Variants in ERFL observed in about 807,000 individuals in gnomAD.
ERFL encodes ETS domain-containing transcription factor ERF-like.
ERFL carries 8 observed loss-of-function variants against 27.9 expected under a neutral mutation model. The ratio of observed to expected loss-of-function variants is 0.29; its 90% confidence interval spans 0.17 to 0.52. ERFL has a LOEUF of 0.52. Among genes scored for constraint, ERFL ranks in the 20% least tolerant of loss-of-function variants. ERFL has a pLI of 0.97. For missense variants in ERFL, 294 were observed against 444.4 expected, an observed-to-expected ratio of 0.66 and a Z score of 3.04; for synonymous variants, 174 against 202.8, an observed-to-expected ratio of 0.86 and a Z score of 1.21.
At position 41,917,438 on chromosome 19, in the gene ERFL, C is replaced by G. The variant is rs1342673298; in HGVS notation, c.-13-4506G>C. On this transcript the variant is annotated intron_variant, in intron 1 of 5. Transcript: ENST00000597630. The surrounding 1 kb of genome is among the most constrained non-coding windows in gnomAD (Gnocchi z 4.8). The stretch of plus-strand genomic sequence containing the variant: ...CCGCCTCGGGAGCCGCCTCGGGCCT[C>G]GCACCCCCACCACCAGCCCCTTCAT... 2.0e-5 allele frequency among the ~76,000 whole-genome samples: 3 copies of G among 151,990 alleles called. No homozygotes were observed. The highest frequency in any genetic ancestry group is 4.4e-5 in the Non-Finnish European group (3 of 67,948).
Position 41,916,457 on chromosome 19 carries a change from A to G in ERFL, c.-13-3525T>C, listed in dbSNP as rs1188632498. ...TCAGCATAGTCACAGATGCACAGAAACAGACACACAGTTTTACACAAATAC... is the reference window on the plus strand; with the variant it reads ...TCAGCATAGTCACAGATGCACAGAAGCAGACACACAGTTTTACACAAATAC... On this transcript the variant is annotated intron_variant, in intron 1 of 5. Transcript: ENST00000597630. The surrounding 1 kb of genome is among the most constrained non-coding windows in gnomAD (Gnocchi z 5.4). Among the ~76,000 whole-genome samples the G allele has an allele frequency of 6.6e-6, 1 of 152,118 alleles. No homozygotes were observed. Among genetic ancestry groups the G allele is most frequent in the East Asian group, 1.9e-4 (1 of 5,186 alleles).
rs1555850891 is a variant in ERFL, at chr19:41,908,338, A to T, written c.955T>A (p.Ser319Thr). The T allele has an allele frequency of 8.1e-7, 1 of 1,231,300 alleles. No individual in the cohort carries two copies. Among genetic ancestry groups the T allele is most frequent in the African/African-American group, 1.6e-5 (1 of 64,348 alleles). The allele number at this position is 1,231,300 out of a possible 1,614,324, so 76.3% of individuals were successfully genotyped here. ...AALGGKEDSD[S>T]ELEITDVSGC... ...CTGACGTCGGTGATCTCCAGCTCCG[A>T]GTCGCTGTCCTCCTTCCCACCAAGG... Residue 319 changes from serine to threonine, a missense_variant, in exon 6 of 6, where the codon TCG becomes ACG. Coordinates refer to ENST00000597630, the MANE Select transcript of ERFL (RefSeq NM_001365103.2). This position sits in a 1 kb window ranked among gnomAD's most constrained non-coding sequence, Gnocchi z 6.7.
At chr19:41,919,500 C>T (rs528177675) in intron 1 of ERFL, among the ~76,000 whole-genome samples, 62 of 143,806 alleles carry the variant, frequency 4.3e-4, no homozygotes, top group African/African-American at 1.5e-3. Context: ...CCCACGTGTG[C>T]ACGTGCACGC....
chr19:41,926,994 T>G (rs1374653272), intron 1 of ERFL, among the ~76,000 whole-genome samples: 1 of 147,854 alleles, frequency 6.8e-6, no homozygotes, highest in African/African-American at 2.5e-5. Context: ...GAGAGAGAGA[T>G]AGATGCCGAG....
At chr19:41,915,437 GCCTC>G (rs150253187) in intron 1 of ERFL, among the ~76,000 whole-genome samples, 2 of 151,744 alleles carry the variant, frequency 1.3e-5, no homozygotes, top group Non-Finnish European at 1.5e-5. Context: ...GGGTCTCCAT[GCCTC>G]CCTGTCTCTT....
At chr19:41,918,397 T>C (rs1401779447) in intron 1 of ERFL, among the ~76,000 whole-genome samples, 1 of 126,190 alleles carries the variant, frequency 7.9e-6, no homozygotes. Flanking sequence ...CACATACACA[T>C]ACCATATCAC....
chr19:41,914,306 TTCTCCCTTCCGTCTCCCCCCACCA>T lies in ERFL; in HGVS notation c.-13-1398_-13-1375del, dbSNP rs1384335008. Among the ~76,000 whole-genome samples the T allele has an allele frequency of 2.0e-5, 3 of 150,634 alleles. No homozygotes were observed. The East Asian group carries it at 5.9e-4, about 30-fold the overall frequency. ...TCTGTCTCTCCGGTCACTTGGTCTC[TTCTCCCTTCCGTCTCCCCCCACCA>T]TCTCCCTTCCATTTCTGTCTCTCTC... On this transcript the variant is annotated intron_variant, in intron 1 of 5. Coordinates refer to ENST00000597630, the MANE Select transcript of ERFL (RefSeq NM_001365103.2).
chr19:41,908,069 AC>A lies in ERFL; in HGVS notation c.*158del, dbSNP rs1364313600. The A allele has an allele frequency of 1.1e-4, 52 of 483,898 alleles. No individual in the cohort carries two copies. The highest frequency in any genetic ancestry group is 4.6e-4 in the South Asian group (4 of 8,734). The allele number at this position is 483,898 out of a possible 1,614,324, so 30.0% of individuals were successfully genotyped here. A position where few individuals can be genotyped will look rare whatever the true frequency, so the allele number is the denominator to read the frequency against. On this transcript the variant is annotated 3_prime_UTR_variant, in exon 6 of 6. Transcript: ENST00000597630. This position sits in a 1 kb window ranked among gnomAD's most constrained non-coding sequence, Gnocchi z 6.7. ...TGTCCTCTGTGGAGGGGGAAGTGAG[AC>A]CCCCCCCACTCTGGGGCTGGGGAAG...
chr19:41,914,568 TGTCTCC>T (rs145376762), intron 1 of ERFL, among the ~76,000 whole-genome samples: 10,951 of 42,034 alleles, frequency 0.26, 2,543 homozygotes, highest in East Asian at 0.44. Context: ...CCACCATCTC[TGTCTCC>T]GTCTCTCCCT....
At chr19:41,915,244 A>C (rs1337296538) in intron 1 of ERFL, among the ~76,000 whole-genome samples, 2 of 145,712 alleles carry the variant, frequency 1.4e-5, no homozygotes, top group Non-Finnish European at 3.0e-5. Flanking sequence ...GAGCCGTGGG[A>C]TCGGCGCTCC....
chr19:41,915,986 T>G (rs1365072085), intron 1 of ERFL, among the ~76,000 whole-genome samples: 1 of 150,744 alleles, frequency 6.6e-6, no homozygotes, highest in Non-Finnish European at 1.5e-5. Flanking sequence ...CAGGCAAGCT[T>G]TAATTTTTAA....
At position 41,912,892 on chromosome 19, in the gene ERFL, G is replaced by C. The variant is rs2074762172; in HGVS notation, c.28C>G (p.Leu10Val). 3.2e-6 allele frequency: 4 copies of C among 1,231,682 alleles called. No individual in the cohort carries two copies. The highest frequency in any genetic ancestry group is 4.0e-6 in the Non-Finnish European group (4 of 987,950). The allele number at this position is 1,231,682 out of a possible 1,614,324, so 76.3% of individuals were successfully genotyped here. ...GCCGGCAGGGCGGGCGGGGCGAAGA[G>C]AAGGTCGGAGACGCAGCTACAGTCC... MDCSCVSDL[L>V]FAPPALPALW... Residue 10 changes from leucine (L) to valine (V), a missense_variant, in exon 2 of 6, where the codon CTC (leucine) becomes GTC (valine). Coordinates refer to ENST00000597630, the MANE Select transcript of ERFL (RefSeq NM_001365103.2).
Position 41,910,332 on chromosome 19 carries a change from T to TACCTTGGCATAGCTCCCCC in ERFL, c.68-254_68-236dup, listed in dbSNP as rs2074744908. On this transcript the variant is annotated intron_variant, in intron 2 of 5. Coordinates refer to ENST00000597630, the MANE Select transcript of ERFL (RefSeq NM_001365103.2). This position sits in a 1 kb window ranked among gnomAD's most constrained non-coding sequence, Gnocchi z 4.4. ...CTGGGTTGGTACCAGTCTGATCCCC[T>TACCTTGGCATAGCTCCCCC]ACCTTGGCATAGCTCCCCCAGGCTC... is the stretch of plus-strand genomic sequence containing the variant. 1.3e-5 allele frequency among the ~76,000 whole-genome samples: 2 copies of TACCTTGGCATAGCTCCCCC among 152,066 alleles called. No homozygotes were observed. Among genetic ancestry groups the TACCTTGGCATAGCTCCCCC allele is most frequent in the Non-Finnish European group, 2.9e-5 (2 of 67,962 alleles).
In ERFL at chr19:41,912,888, A is replaced by G. The variant is rs2074762142; in HGVS notation, c.32T>C (p.Phe11Ser). ...GAGAGCCGGCAGGGCGGGCGGGGCG[A>G]AGAGAAGGTCGGAGACGCAGCTACA... MDCSCVSDLL[F>S]APPALPALWT... The change falls in exon 2 of 6, where the codon TTC (phenylalanine) becomes TCC (serine). Residue 11 changes from phenylalanine (F) to serine (S), a missense_variant. By Grantham distance (155) the Phe-to-Ser change is radical (BLOSUM62 -2). Coordinates refer to ENST00000597630, the MANE Select transcript of ERFL (RefSeq NM_001365103.2). The G allele has an allele frequency of 1.1e-5, 13 of 1,231,442 alleles. No individual in the cohort carries two copies. The highest frequency in any genetic ancestry group is 1.3e-5 in the Non-Finnish European group (13 of 987,908). 76.3% of individuals were successfully genotyped at this position (1,231,442 alleles called of 1,614,324 possible).
chr19:41,908,104 G>T lies in ERFL; in HGVS notation c.*124C>A. On this transcript the variant is annotated 3_prime_UTR_variant, in exon 6 of 6. Coordinates refer to ENST00000597630, the MANE Select transcript of ERFL (RefSeq NM_001365103.2). This position sits in a 1 kb window ranked among gnomAD's most constrained non-coding sequence, Gnocchi z 6.7. ...CTCTGGGGCTGGGGAAGGAGACTGG[G>T]GCAGCAATGTGCCCAGACCTGGGAG... is the stretch of plus-strand genomic sequence containing the variant. 1 of 700,942 alleles carries T rather than the reference G, an allele frequency of 1.4e-6. No individual in the cohort carries two copies. Among genetic ancestry groups the T allele is most frequent in the Non-Finnish European group, 2.0e-6 (1 of 503,444 alleles). 43.4% of individuals were successfully genotyped at this position (700,942 alleles called of 1,614,324 possible). A position where few individuals can be genotyped will look rare whatever the true frequency, so the allele number is the denominator to read the frequency against.
At chr19:41,925,968 C>T (rs2074868507) in intron 1 of ERFL, among the ~76,000 whole-genome samples, 1 of 151,732 alleles carries the variant, frequency 6.6e-6, no homozygotes, top group African/African-American at 2.4e-5. Context: ...TTGTGTGCAA[C>T]AGAAGGAATG....
chr19:41,920,381 G>T (rs2074834677), intron 1 of ERFL, among the ~76,000 whole-genome samples: 2 of 131,730 alleles, frequency 1.5e-5, no homozygotes, highest in African/African-American at 3.0e-5. Context: ...CATGTTCACA[G>T]ACATGACATG....
At chr19:41,914,616 TTCCA>T (rs1446651816) in intron 1 of ERFL, among the ~76,000 whole-genome samples, 17 of 13,966 alleles carry the variant, frequency 1.2e-3, no homozygotes, top group African/African-American at 3.3e-3. Flanking sequence ...CTCCCTCCCC[TTCCA>T]CCATCTCTGT....
At chr19:41,913,998 C>T (rs1555851525) in intron 1 of ERFL, among the ~76,000 whole-genome samples, 1 of 151,352 alleles carries the variant, frequency 6.6e-6, no homozygotes, top group East Asian at 2.0e-4. Flanking sequence ...CCTGATACTC[C>T]CCACTGCTCC....
Sources: gnomAD v4.1 joint callset for allele counts (sites outside exome capture counted in the v4.1 genomes callset) on GRCh38, gnomAD v4.1.1 for gene constraint, Gnocchi (gnomAD v3.1) non-coding constraint, MANE v1.5 for transcripts, NCBI Gene and HGNC (gene_info 2026-07-23, HGNC 2026-07-21) for gene names.